Variants in KIN observed in about 807,000 individuals in gnomAD.
KIN encodes DNA/RNA-binding protein KIN17.
A neutral mutation model predicts 63.0 loss-of-function variants in KIN; 47 were observed. The observed-to-expected ratio is 0.75, with a 90% CI of 0.59 to 0.95. The LOEUF is 0.95. Among genes scored for constraint, KIN ranks in the 40% least tolerant of loss-of-function variants. The pLI is 0.00. For missense variants in KIN, 408 were observed against 460.9 expected (o/e 0.89, Z 1.05); for synonymous variants, 160 against 157.7 (o/e 1.01, Z -0.11).
intron 6 of KIN, 102 bp from the exon 7 acceptor site, chr10:7,774,993 A>G: frequency 1.2e-5 from 10 of 828,716 alleles, no homozygotes; most frequent in Non-Finnish European, 2.0e-5. Flanking sequence ...ACTCCAGGAC[A>G]TTTTCAATAA....
chr10:7,760,085 A>G (rs1425240062), intron 11 of KIN, 95 bp from the exon 12 acceptor site: 2 of 579,048 alleles, frequency 3.5e-6, no homozygotes, highest in African/African-American at 4.0e-5. Context: ...GAATAAACAT[A>G]ATAAAAAACA....
At chr10:7,776,229 C>CAAAA (rs66884181) in intron 5 of KIN, among the ~76,000 whole-genome samples, 1 of 113,000 alleles carries the variant, frequency 8.8e-6, no homozygotes. Flanking sequence ...GACTCCATCT[C>CAAAA]AAAAAAAAAA....
At chr10:7,787,250 G>C (rs987242149) in intron 1 of KIN, among the ~76,000 whole-genome samples, 13 of 152,324 alleles carry the variant, frequency 8.5e-5, no homozygotes, top group Admixed American at 5.9e-4. Context: ...CACACGGTTG[G>C]TAAGTGGCCC....
chr10:7,751,878 A>T lies in KIN; in HGVS notation c.*4202T>A, dbSNP rs1156795698. The T allele has an allele frequency of 1.1e-3, 2 of 1,758 alleles. 1 individual carries two copies. Among genetic ancestry groups the T allele is most frequent in the Non-Finnish European group, 2.2e-3 (2 of 928 alleles). The allele number at this position is 1,758 out of a possible 1,614,324, so 0.1% of individuals were successfully genotyped here. On this transcript the variant is annotated 3_prime_UTR_variant, in exon 13 of 13. Transcript: ENST00000379562. ...TTAAAAGTAACGATGTACTAAAAATACAAAAAATTAGCCGGGCGCGGTGGC... is the reference window on the plus strand; with the variant it reads ...TTAAAAGTAACGATGTACTAAAAATTCAAAAAATTAGCCGGGCGCGGTGGC...
At chr10:7,769,379 A>T (rs1473529274) in intron 7 of KIN, 34 bp from the exon 8 acceptor site, 1 of 1,594,460 alleles carries the variant, frequency 6.3e-7, no homozygotes, top group Admixed American at 1.8e-5. Context: ...TGTTACCAAG[A>T]ACCATACACA....
rs1470406769 is a variant in KIN, at chr10:7,751,673, T to C, written c.*4407A>G. 1 of 152,244 alleles carries C rather than the reference T, an allele frequency of 6.6e-6. No individual in the cohort carries two copies. Among genetic ancestry groups the C allele is most frequent in the Non-Finnish European group, 1.5e-5 (1 of 68,048 alleles). 9.4% of individuals were successfully genotyped at this position (152,244 alleles called of 1,614,324 possible). A position where few individuals can be genotyped will look rare whatever the true frequency, so the allele number is the denominator to read the frequency against. On this transcript the variant is annotated 3_prime_UTR_variant, in exon 13 of 13. Coordinates refer to ENST00000379562, the MANE Select transcript of KIN (RefSeq NM_012311.4). ...ACCCTTTTGAAAAACCTACTGCATCTTTTCCATTTCCTATTTCAAAAATAG... is the reference window on the plus strand; with the variant it reads ...ACCCTTTTGAAAAACCTACTGCATCCTTTCCATTTCCTATTTCAAAAATAG...
intron 9 of KIN, among the ~76,000 whole-genome samples, chr10:7,765,439 T>TAA (rs34162810): frequency 2.2e-4 from 34 of 151,622 alleles, no homozygotes; most frequent in African/African-American, 7.5e-4. Context: ...TATTTAAAAA[T>TAA]AAAAAAAAGA....
chr10:7,768,914 G>T lies in KIN; in HGVS notation c.798+302C>A, dbSNP rs1433787806. Among the ~76,000 whole-genome samples, 3 of 152,222 alleles carry T rather than the reference G, an allele frequency of 2.0e-5. No homozygotes were observed. The East Asian group carries it at 5.8e-4, about 29-fold the overall frequency. On this transcript the variant is annotated intron_variant, in intron 8 of 12. Transcript: ENST00000379562. The stretch of plus-strand genomic sequence containing the variant: ...CGCCTGCAATCCCAGCTACTTGGGA[G>T]GCTGAGCCAGGAGAATCATTTGAAC...
intron 2 of KIN, among the ~76,000 whole-genome samples, chr10:7,781,254 A>G (rs1035478909): frequency 6.6e-6 from 1 of 152,178 alleles, no homozygotes; most frequent in African/African-American, 2.4e-5. Context: ...CTGGCACAGA[A>G]ACATGAAAGC....
intron 5 of KIN, among the ~76,000 whole-genome samples, chr10:7,778,595 T>TAC (rs1325198669): frequency 6.6e-6 from 1 of 152,052 alleles, no homozygotes; most frequent in African/African-American, 2.4e-5. Flanking sequence ...AAAAATTATC[T>TAC]GGGCGTGGTG....
intron 2 of KIN, among the ~76,000 whole-genome samples, chr10:7,781,896 A>C (rs980566360): frequency 5.3e-5 from 8 of 152,078 alleles, no homozygotes; most frequent in African/African-American, 1.9e-4. Context: ...TTCTCTATTA[A>C]AAATATAAAA....
At chr10:7,787,592 G>C (rs72781083) in intron 1 of KIN, among the ~76,000 whole-genome samples, 5 of 152,220 alleles carry the variant, frequency 3.3e-5, no homozygotes, top group Non-Finnish European at 5.9e-5. Context: ...GATCGGACTG[G>C]GGAGGAATGA....
intron 12 of KIN, 65 bp from the exon 13 acceptor site, chr10:7,756,207 A>C: frequency 1.1e-6 from 1 of 945,774 alleles, no homozygotes; most frequent in Non-Finnish European, 1.6e-6. Context: ...AAAAAATGAC[A>C]CCATACTTAT....
intron 5 of KIN, among the ~76,000 whole-genome samples, chr10:7,777,669 G>A (rs1416718658): frequency 1.3e-5 from 2 of 151,940 alleles, no homozygotes; most frequent in Admixed American, 6.6e-5. Context: ...AGGCCCAGAA[G>A]GGCGGATCAC....
At chr10:7,778,171 CTTCTCTATGTT>C (rs1305963383) in intron 5 of KIN, among the ~76,000 whole-genome samples, 2 of 152,278 alleles carry the variant, frequency 1.3e-5, no homozygotes, top group East Asian at 3.9e-4. Context: ...GTAAACATTG[CTTCTCTATGTT>C]TCCACATGCT....
chr10:7,778,985 C>T lies in KIN; in HGVS notation c.411G>A (p.Trp137Ter). 2 of 1,613,888 alleles carry T rather than the reference C, an allele frequency of 1.2e-6. No individual in the cohort carries two copies. The highest frequency in any genetic ancestry group is 1.7e-6 in the Non-Finnish European group (2 of 1,179,984). ...GGTCCCTGTCTATGTACTGAATATA[C>T]CAGCCTTTTGGTGTCTCGTCCACTT... Reference protein sequence around the residue: ...LCKVDETPKGWYIQYIDRDPE... With the variant: ...LCKVDETPKG Residue 137 changes from tryptophan (W) to a stop codon, truncating the protein, a stop_gained, in exon 5 of 13, where the codon TGG (tryptophan) becomes TGA (stop). Transcript: ENST00000379562. LOFTEE classifies it high-confidence loss of function.
At chr10:7,775,891 C>T (rs929966780) in intron 5 of KIN, 92 bp from the exon 6 acceptor site, 11 of 724,196 alleles carry the variant, frequency 1.5e-5, no homozygotes, top group Non-Finnish European at 2.5e-5. Flanking sequence ...CCTGTGTTCC[C>T]AGGCAGCTCT....
chr10:7,774,856 A>ATGAGCTACAT lies in KIN; in HGVS notation c.633_642dup (p.Ser215MetfsTer2), dbSNP rs771540340. On this transcript the variant is annotated stop_gained and frameshift_variant, in exon 7 of 13. Coordinates refer to ENST00000379562, the MANE Select transcript of KIN (RefSeq NM_012311.4). LOFTEE classifies it high-confidence loss of function. ...CTTGACTTGGAAGATGTTGCTCCGG[A>ATGAGCTACAT]TGAGCTACATGCTCCTTTACTCAAA... is the stretch of plus-strand genomic sequence containing the variant. 1.3e-5 allele frequency: 21 copies of ATGAGCTACAT among 1,613,484 alleles called. No homozygotes were observed. The African/African-American group carries it at 1.5e-4, about 11-fold the overall frequency.
rs891864479 is a variant in KIN, at chr10:7,757,466, C to A, written c.1120-1324G>T. Among the ~76,000 whole-genome samples the A allele has an allele frequency of 3.3e-5, 5 of 151,576 alleles. No homozygotes were observed. The East Asian group carries it at 9.7e-4, about 29-fold the overall frequency. On this transcript the variant is annotated intron_variant, in intron 12 of 12. Coordinates refer to ENST00000379562, the MANE Select transcript of KIN (RefSeq NM_012311.4). ...TGAGCTGAGATCGCGCCATTGCACT[C>A]CAGCCTGGGCGACAGAGTGAGACTC...
Sources: gnomAD v4.1 joint callset for allele counts (sites outside exome capture counted in the v4.1 genomes callset) on GRCh38, gnomAD v4.1.1 for gene constraint, MANE v1.5 for transcripts, NCBI Gene and HGNC (gene_info 2026-07-23, HGNC 2026-07-21) for gene names.